The following PTPN21 variants were observed in gnomAD, a reference collection of about 807,000 sequenced individuals.
PTPN21 encodes the protein protein tyrosine phosphatase non-receptor type 21.
PTPN21 carries 77 observed loss-of-function variants against 131.8 expected under a neutral mutation model. The ratio of observed to expected loss-of-function variants is 0.58; its 90% confidence interval spans 0.49 to 0.71. PTPN21 has a LOEUF of 0.71. PTPN21 is among the 30% of genes least tolerant of loss of function. The pLI, the probability that PTPN21 is intolerant of heterozygous loss-of-function variation, is 0.00. For synonymous variants in PTPN21, 715 were observed against 621.3 expected (o/e 1.15, Z -2.24); for missense variants, 1,552 against 1,527.1 (o/e 1.02, Z -0.27).
At chr14:88,527,182 T>C (rs1258240245) in intron 2 of PTPN21, among the ~76,000 whole-genome samples, 3 of 152,232 alleles carry the variant, frequency 2.0e-5, no homozygotes, top group African/African-American at 7.2e-5. Flanking sequence ...AGTAGTGGGA[T>C]TGCTGGATCA....
At chr14:88,486,786 G>A (rs2077740178) in intron 10 of PTPN21, among the ~76,000 whole-genome samples, 1 of 151,998 alleles carries the variant, frequency 6.6e-6, no homozygotes, top group Admixed American at 6.6e-5. Flanking sequence ...AGACCACCTG[G>A]CCAACATGGT....
intron 2 of PTPN21, among the ~76,000 whole-genome samples, chr14:88,529,386 A>T (rs2078523031): frequency 6.6e-6 from 1 of 152,010 alleles, no homozygotes; most frequent in East Asian, 1.9e-4. Context: ...TTTGTTGAGA[A>T]TTTTTGCATC....
At chr14:88,504,330 A>G in intron 6 of PTPN21, 95 bp downstream of exon 6, 1 of 1,052,676 alleles carries the variant, frequency 9.5e-7, no homozygotes, top group Non-Finnish European at 1.4e-6. Flanking sequence ...GGGCAAATAA[A>G]TATTAATCAT....
At chr14:88,547,968 T>A (rs1346769271) in intron 2 of PTPN21, among the ~76,000 whole-genome samples, 1 of 152,152 alleles carries the variant, frequency 6.6e-6, no homozygotes, top group Non-Finnish European at 1.5e-5. Context: ...TCAGTATTTC[T>A]AAAACTGAAC....
chr14:88,541,266 C>T (rs1383561326), intron 2 of PTPN21, among the ~76,000 whole-genome samples: 1 of 152,104 alleles, frequency 6.6e-6, no homozygotes, highest in Non-Finnish European at 1.5e-5. Flanking sequence ...ACTTAAATTG[C>T]CTCTGTATGT....
chr14:88,479,885 A>T lies in PTPN21; in HGVS notation c.1546T>A (p.Tyr516Asn). Residue 516 changes from tyrosine to asparagine, a missense_variant, in exon 13 of 19, where the codon TAC (tyrosine) becomes AAC (asparagine). Physicochemically the swap from Tyr to Asn is moderately radical, Grantham distance 143. Coordinates refer to ENST00000556564, the MANE Select transcript of PTPN21 (RefSeq NM_007039.4). ...TAGGGAGACGGGCTGTGGAAGCTGT[A>T]GCTCAGGCTGAACGGGCAGTGTGCG... is the stretch of plus-strand genomic sequence containing the variant. The part of the protein sequence containing the change: ...AAAHCPFSLS[Y>N]SFHSPSPYPY... 1 of 1,588,290 alleles carries T rather than the reference A, an allele frequency of 6.3e-7. No individual in the cohort carries two copies. Among genetic ancestry groups the T allele is most frequent in the Non-Finnish European group, 8.5e-7 (1 of 1,171,450 alleles).
chr14:88,494,152 G>A (rs917459767), intron 10 of PTPN21, among the ~76,000 whole-genome samples: 1 of 152,188 alleles, frequency 6.6e-6, no homozygotes, highest in Non-Finnish European at 1.5e-5. Context: ...ATCAGGGACA[G>A]CCTCTGAAGA....
At position 88,521,550 on chromosome 14, in the gene PTPN21, C is replaced by G. The variant is rs1222915020; in HGVS notation, c.181-4289G>C. Among the ~76,000 whole-genome samples, 5 of 149,276 alleles carry G rather than the reference C, an allele frequency of 3.3e-5. No homozygotes were observed. In the East Asian group the frequency reaches 1.0e-3, roughly 30 times the overall value. On this transcript the variant is annotated intron_variant, in intron 2 of 18. Coordinates refer to ENST00000556564, the MANE Select transcript of PTPN21 (RefSeq NM_007039.4). ...CCCAAGTAGCTAGGATTACAGGCAC[C>G]CGCCACCACGCCCAACTTTTTTTTT...
At chr14:88,518,673 C>T (rs188834335) in intron 2 of PTPN21, among the ~76,000 whole-genome samples, 7 of 150,688 alleles carry the variant, frequency 4.6e-5, no homozygotes, top group East Asian at 2.0e-4. Flanking sequence ...TCAGTTGATC[C>T]GCCCACCTCG....
At chr14:88,523,910 A>T (rs1019096546) in intron 2 of PTPN21, among the ~76,000 whole-genome samples, 2 of 152,234 alleles carry the variant, frequency 1.3e-5, no homozygotes, top group African/African-American at 2.4e-5. Flanking sequence ...ATGTAGGAAT[A>T]AATTTGACCA....
At chr14:88,528,927 T>C (rs915974484) in intron 2 of PTPN21, among the ~76,000 whole-genome samples, 1 of 152,226 alleles carries the variant, frequency 6.6e-6, no homozygotes, top group African/African-American at 2.4e-5. Flanking sequence ...CATCAGTGAA[T>C]AGAGACGGTT....
rs184852764 is a variant in PTPN21 at position 88,543,613 on chromosome 14, T to C, written c.180+6625A>G. 8.5e-5 allele frequency among the ~76,000 whole-genome samples: 13 copies of C among 152,336 alleles called. No homozygotes were observed. In the South Asian group the frequency reaches 1.4e-3, roughly 17 times the overall value. ...AAGGTGCCATCCCAGACCCTGGCAA[T>C]GCTCCAGTCAACAAGAGTCCTACTT... On this transcript the variant is annotated intron_variant, in intron 2 of 18. Transcript: ENST00000556564.
intron 4 of PTPN21, among the ~76,000 whole-genome samples, chr14:88,505,956 T>A (rs773796281): frequency 1.6e-4 from 25 of 152,338 alleles, no homozygotes; most frequent in East Asian, 3.9e-4. Context: ...CATGCCTTCT[T>A]ATAGCTGAAG....
chr14:88,477,969 C>T (rs997869584), intron 13 of PTPN21, among the ~76,000 whole-genome samples: 2 of 152,216 alleles, frequency 1.3e-5, no homozygotes, highest in African/African-American at 2.4e-5. Flanking sequence ...GCAGAACATA[C>T]ATCTACAGTG....
rs1356384464 is a variant in PTPN21, at chr14:88,517,178, C to G, written c.264G>C (p.Leu88=). 6.2e-7 allele frequency: 1 copy of G among 1,614,084 alleles called. No homozygotes were observed. Among genetic ancestry groups the G allele is most frequent in the East Asian group, 2.2e-5 (1 of 44,884 alleles). Residue 88 remains leucine, a synonymous_variant, in exon 3 of 19, where the codon CTG becomes CTC. Transcript: ENST00000556564. ...CGGTAGGTTCCAATGCATATTTATC[C>G]AGCTGCTTCTTCAAAGGTTTTTCCA... ...VDLEKPLKKQ[L]DKYALEPTVY... is the part of the protein sequence containing the mutation.
chr14:88,491,415 C>A (rs1468515745), intron 10 of PTPN21, among the ~76,000 whole-genome samples: 1 of 152,172 alleles, frequency 6.6e-6, no homozygotes, highest in African/African-American at 2.4e-5. Flanking sequence ...GTCACCCCAG[C>A]CCAAAGCAGA....
intron 1 of PTPN21, chr14:88,551,601 G>C (rs552314584): frequency 6.6e-6 from 1 of 152,438 alleles, no homozygotes; most frequent in East Asian, 1.9e-4. Flanking sequence ...ACCAGCGCGT[G>C]CCCTACTGGC....
chr14:88,516,962 G>T, intron 3 of PTPN21, 130 bp downstream of exon 3: 6 of 1,037,416 alleles, frequency 5.8e-6, no homozygotes, highest in Non-Finnish European at 8.3e-6. Context: ...GAATCTCTTT[G>T]TAACACCGTG....
intron 18 of PTPN21, among the ~76,000 whole-genome samples, 200 bp downstream of exon 18, chr14:88,468,716 T>C (rs147662195): frequency 1.1e-4 from 17 of 152,322 alleles, no homozygotes; most frequent in African/African-American, 3.8e-4. Context: ...ATTTATCGTA[T>C]GACTTCTTAG....
Sources: allele counts gnomAD v4.1 joint callset (sites outside exome capture counted in the v4.1 genomes callset), GRCh38; gene constraint gnomAD v4.1.1; transcripts MANE v1.5; gene names NCBI Gene and HGNC (gene_info 2026-07-23, HGNC 2026-07-21).